Variants in REXO4 observed in about 807,000 individuals in gnomAD.
REXO4 encodes RNA exonuclease 4.
In REXO4, 29 loss-of-function variants were observed where a neutral mutation model predicts 39.9. That is an observed-to-expected ratio of 0.73 (90% CI 0.54 to 0.99). The LOEUF is 0.99. Among genes scored for constraint, REXO4 ranks in the 50% least tolerant of loss-of-function variants. The pLI is 0.00. For missense variants in REXO4, 524 were observed against 546.5 expected, an observed-to-expected ratio of 0.96 and a Z score of 0.41; for synonymous variants, 184 against 206.2, an observed-to-expected ratio of 0.89 and a Z score of 0.92.
intron 4 of REXO4, among the ~76,000 whole-genome samples, chr9:133,411,306 G>A (rs1839201184): frequency 6.6e-6 from 1 of 152,228 alleles, no homozygotes; most frequent in Non-Finnish European, 1.5e-5. Flanking sequence ...GAGGAATAAA[G>A]TGCTCCACAC....
Position 133,417,821 on chromosome 9 carries a change from G to A in REXO4, c.24C>T (p.Ala8=). MGKAKVP[A]SKRAPSSPVA... ...CGGGGCTGCTCGGGGCGCGCTTGGAGGCGGGGACCTTCGCCTTCCCCATCC... is the reference window on the plus strand; with the variant it reads ...CGGGGCTGCTCGGGGCGCGCTTGGAAGCGGGGACCTTCGCCTTCCCCATCC... The change falls in exon 1 of 8, where the codon GCC becomes GCT. Residue 8 remains alanine (A), a synonymous_variant. Coordinates refer to ENST00000371942, the MANE Select transcript of REXO4 (RefSeq NM_020385.4). The A allele has an allele frequency of 6.2e-7, 1 of 1,603,496 alleles. No individual in the cohort carries two copies. The highest frequency in any genetic ancestry group is 8.5e-7 in the Non-Finnish European group (1 of 1,179,746).
At chr9:133,410,850 C>A in intron 5 of REXO4, 135 bp downstream of exon 5, 1 of 678,794 alleles carries the variant, frequency 1.5e-6, no homozygotes, top group Admixed American at 2.4e-5. Flanking sequence ...CACGCGGTAT[C>A]TGATATTATT....
intron 2 of REXO4, chr9:133,414,334 G>A (rs148965791): frequency 2.4e-4 from 127 of 532,696 alleles, no homozygotes; most frequent in African/African-American, 2.1e-3. Context: ...CACAGAGGAC[G>A]TCAGAAACTT....
chr9:133,407,721 C>G, intron 7 of REXO4, 86 bp downstream of exon 7: 2 of 1,045,612 alleles, frequency 1.9e-6, no homozygotes, highest in East Asian at 2.6e-5. Flanking sequence ...CCCCACCTCC[C>G]CCATGTCTGT....
rs1839776713 is a variant in REXO4 at position 133,417,950 on chromosome 9, C to T, written c.-106G>A. The T allele has an allele frequency of 4.7e-6, 5 of 1,058,442 alleles. No individual in the cohort carries two copies. The South Asian group carries it at 6.3e-5, about 13-fold the overall frequency. 65.6% of individuals were successfully genotyped at this position (1,058,442 alleles called of 1,614,324 possible). A position where few individuals can be genotyped will look rare whatever the true frequency, so the allele number is the denominator to read the frequency against. ...CCTGCCCAGGCCAGGCCGAAACACA[C>T]CCACCGCAGGGACCCCGTCCAGGAA... is the stretch of plus-strand genomic sequence containing the variant. On this transcript the variant is annotated 5_prime_UTR_variant, in exon 1 of 8. The change creates a new upstream start codon in the 5' untranslated region. Transcript: ENST00000371942.
At position 133,412,302 on chromosome 9, in the gene REXO4, G is replaced by A; in HGVS notation, c.907C>T (p.Gln303Ter). The change falls in exon 4 of 8, where the codon CAG becomes TAG. Residue 303 changes from glutamine (Q) to a stop codon, truncating the protein, a stop_gained. Coordinates refer to ENST00000371942, the MANE Select transcript of REXO4 (RefSeq NM_020385.4). LOFTEE classifies it high-confidence loss of function. ...VSGIRPENLK[Q>*]GEELEVVQKE... ...TCCTGAGCTGTGGATGACATACCCT[G>A]CTTGAGGTTCTCAGGCCGAATCCCA... 2 of 1,613,570 alleles carry A rather than the reference G, an allele frequency of 1.2e-6. No homozygotes were observed. Among genetic ancestry groups the A allele is most frequent in the African/African-American group, 1.3e-5 (1 of 75,016 alleles).
At chr9:133,412,552 A>G in intron 3 of REXO4, 60 bp from the exon 4 acceptor site, 1 of 1,567,506 alleles carries the variant, frequency 6.4e-7, no homozygotes, top group African/African-American at 1.4e-5. Flanking sequence ...GCTCCAGGTC[A>G]GAGCCCCAGG....
At chr9:133,407,976 C>T (rs1839004590) in intron 6 of REXO4, 95 bp from the exon 7 acceptor site, 4 of 887,896 alleles carry the variant, frequency 4.5e-6, no homozygotes, top group Non-Finnish European at 5.3e-6. Context: ...CTGAACCTCA[C>T]CCAAGCGACC....
At chr9:133,413,400 C>T (rs1389168470) in intron 2 of REXO4, among the ~76,000 whole-genome samples, 5 of 152,190 alleles carry the variant, frequency 3.3e-5, no homozygotes, top group African/African-American at 1.2e-4. Context: ...CAGCACCTGG[C>T]CTCATCTCTT....
intron 1 of REXO4, 87 bp downstream of exon 1, chr9:133,417,533 C>T: frequency 2.8e-6 from 4 of 1,411,256 alleles, no homozygotes; most frequent in Admixed American, 1.8e-5. Flanking sequence ...CTTTACAGGT[C>T]TTTTGGGGCT....
intron 1 of REXO4, among the ~76,000 whole-genome samples, chr9:133,415,313 G>A (rs1327623558): frequency 6.6e-6 from 1 of 152,040 alleles, no homozygotes; most frequent in African/African-American, 2.4e-5. Context: ...TTGAGTGGCT[G>A]GACACCACAG....
At chr9:133,416,657 G>A (rs1234962522) in intron 1 of REXO4, among the ~76,000 whole-genome samples, 2 of 152,236 alleles carry the variant, frequency 1.3e-5, no homozygotes, top group Non-Finnish European at 2.9e-5. Flanking sequence ...AACCTCTACA[G>A]AAGTGCAGGT....
In REXO4 at chr9:133,415,029, AT is replaced by A; in HGVS notation, c.226-19del. 6.4e-7 allele frequency: 1 copy of A among 1,563,620 alleles called. No individual in the cohort carries two copies. The highest frequency in any genetic ancestry group is 8.6e-7 in the Non-Finnish European group (1 of 1,161,986). On this transcript the variant is annotated intron_variant, in intron 1 of 7. Coordinates refer to ENST00000371942, the MANE Select transcript of REXO4 (RefSeq NM_020385.4). ...AGCAGCCACTGGGACCCAAAATAAA[AT>A]ACATGCTGCATTTGAATTTGGAAAT...
At chr9:133,414,329 A>T in intron 2 of REXO4, 1 of 523,824 alleles carries the variant, frequency 1.9e-6, no homozygotes, top group Non-Finnish European at 3.7e-6. Flanking sequence ...CAAGGCACAG[A>T]GGACGTCAGA....
rs1838887236 is a variant in REXO4, at chr9:133,406,597, C to T, written c.*356G>A. 3.3e-6 allele frequency: 1 copy of T among 299,346 alleles called. No individual in the cohort carries two copies. Among genetic ancestry groups the T allele is most frequent in the Non-Finnish European group, 6.6e-6 (1 of 152,104 alleles). The allele number at this position is 299,346 out of a possible 1,614,324, so 18.5% of individuals were successfully genotyped here. On this transcript the variant is annotated 3_prime_UTR_variant, in exon 8 of 8. Transcript: ENST00000371942. ...AGAGGAAGGTGCTGAGCACCTCACC[C>T]CAGGGTGTCACCGAAGATGGGCAGT...
rs151201190 is a variant in REXO4 at position 133,414,722 on chromosome 9, C to T, written c.515G>A (p.Gly172Glu). The change falls in exon 2 of 8, where the codon GGG becomes GAG. Residue 172 changes from glycine to glutamate, a missense_variant. Gly to Glu is a moderately conservative substitution (Grantham distance 98, BLOSUM62 -2). Coordinates refer to ENST00000371942, the MANE Select transcript of REXO4 (RefSeq NM_020385.4). The stretch of plus-strand genomic sequence containing the variant: ...TTTCCGCTTCTTATGCTCGATGTCC[C>T]CTCGTTCTGGAACAATATCACCATT... Reference protein sequence around the residue: ...RTNGDIVPERGDIEHKKRKAK... With the variant: ...RTNGDIVPEREDIEHKKRKAK... 5 of 1,614,126 alleles carry T rather than the reference C, an allele frequency of 3.1e-6. No homozygotes were observed. Among genetic ancestry groups the T allele is most frequent in the South Asian group, 1.1e-5 (1 of 91,074 alleles).
chr9:133,412,298 C>A lies in REXO4; in HGVS notation c.910+1G>T. The A allele has an allele frequency of 6.2e-7, 1 of 1,613,376 alleles. No individual in the cohort carries two copies. Among genetic ancestry groups the A allele is most frequent in the Non-Finnish European group, 8.5e-7 (1 of 1,179,874 alleles). On this transcript the variant is annotated splice_donor_variant, in intron 4 of 7. Transcript: ENST00000371942. LOFTEE classifies it high-confidence loss of function. ...AAGTTCCTGAGCTGTGGATGACATA[C>A]CCTGCTTGAGGTTCTCAGGCCGAAT...
chr9:133,411,933 A>T (rs782564112), intron 4 of REXO4, among the ~76,000 whole-genome samples: 20 of 152,210 alleles, frequency 1.3e-4, no homozygotes, highest in East Asian at 3.9e-4. Context: ...TCTCAAAAAA[A>T]AATAATAATT....
intron 2 of REXO4, 117 bp from the exon 3 acceptor site, chr9:133,413,038 A>AGGCT: frequency 8.6e-7 from 1 of 1,159,026 alleles, no homozygotes; most frequent in East Asian, 2.5e-5. Flanking sequence ...CCTCTCCCAC[A>AGGCT]GGCTGGCCCC....
Sources: gnomAD v4.1 joint callset for allele counts (sites outside exome capture counted in the v4.1 genomes callset) on GRCh38, gnomAD v4.1.1 for gene constraint, MANE v1.5 for transcripts, NCBI Gene and HGNC (gene_info 2026-07-23, HGNC 2026-07-21) for gene names.